The following PRR35 variants were observed in gnomAD, a reference collection of about 807,000 sequenced individuals.
The protein encoded by PRR35 is proline-rich protein 35.
Under a neutral mutation model 18.6 loss-of-function variants are expected in PRR35, and 14 were observed. The ratio of observed to expected loss-of-function variants is 0.75; its 90% CI spans 0.50 to 1.18. The LOEUF is 1.18. Ranked by LOEUF, PRR35 falls within the 50% of genes most tolerant of loss-of-function variation. The pLI, the probability that PRR35 is intolerant of heterozygous loss-of-function variation, is 0.00. For synonymous variants in PRR35, 425 were observed against 378.2 expected (o/e 1.12, Z -1.43); for missense variants, 832 against 792.2 (o/e 1.05, Z -0.60).
chr16:564,736 C>A lies in PRR35; in HGVS notation c.1145C>A (p.Thr382Asn). The A allele has an allele frequency of 1.3e-6, 2 of 1,534,982 alleles. No homozygotes were observed. Among genetic ancestry groups the A allele is most frequent in the Non-Finnish European group, 1.7e-6 (2 of 1,146,758 alleles). ...PEDGDPGGPE[T>N]PGPEGPLPLQ... ...GACGGGGATCCAGGCGGCCCTGAGA[C>A]CCCCGGCCCTGAGGGCCCCCTCCCC... The change falls in exon 3 of 3, where the codon ACC becomes AAC. Residue 382 changes from threonine to asparagine, a missense_variant. This residue lies in a region of PRR35 where 768 missense variants were observed against 704.1 expected (regional missense o/e 1.09). Coordinates refer to ENST00000409413, the MANE Select transcript of PRR35 (RefSeq NM_145270.3).
upstream of PRR35, chr16:560,347 C>T: frequency 1.8e-5 from 18 of 982,228 alleles, 1 homozygote; most frequent in Non-Finnish European, 2.2e-5. Flanking sequence ...GTCGCAGCGC[C>T]CCCCGGAGCC....
At position 565,081 on chromosome 16, in the gene PRR35, C is replaced by T. The variant is rs747010854; in HGVS notation, c.1490C>T (p.Thr497Ile). 8.2e-6 allele frequency: 13 copies of T among 1,591,396 alleles called. No homozygotes were observed. The African/African-American group carries it at 1.1e-4, about 13-fold the overall frequency. Reference protein sequence around the residue: ...PELGPVLTGGTPEPPGMLGPA... With the variant: ...PELGPVLTGGIPEPPGMLGPA... Reference sequence around the variant, plus strand: ...CTGGGTCCCGTGTTGACCGGGGGCACCCCCGAGCCACCCGGCATGCTGGGC... The same window carrying T: ...CTGGGTCCCGTGTTGACCGGGGGCATCCCCGAGCCACCCGGCATGCTGGGC... The change falls in exon 3 of 3, where the codon ACC becomes ATC. Residue 497 changes from threonine to isoleucine, a missense_variant. Physicochemically the swap from Thr to Ile is moderately conservative, Grantham distance 89 (BLOSUM62 -1). This residue lies in a region of PRR35 where 768 missense variants were observed against 704.1 expected (regional missense o/e 1.09). Transcript: ENST00000409413.
At position 563,181 on chromosome 16, in the gene PRR35, T is replaced by G. The variant is rs1003390041; in HGVS notation, c.-39-75T>G. On this transcript the variant is annotated intron_variant, in intron 1 of 2. Transcript: ENST00000409413. Reference sequence around the variant, plus strand: ...CACCCAGGCTCCAGTCCCTGGAGCCTGGGGAGCCATGGATGGAGAGGAGTG... The same window carrying G: ...CACCCAGGCTCCAGTCCCTGGAGCCGGGGGAGCCATGGATGGAGAGGAGTG... The G allele has an allele frequency of 8.8e-6, 12 of 1,356,294 alleles. No homozygotes were observed. The Middle Eastern group carries it at 7.9e-4, about 89-fold the overall frequency. The allele number at this position is 1,356,294 out of a possible 1,614,324, so 84.0% of individuals were successfully genotyped here. A position where few individuals can be genotyped will look rare whatever the true frequency, so the allele number is the denominator to read the frequency against.
At chr16:564,425 G>T in intron 2 of PRR35, 49 bp downstream of exon 2, 1 of 1,576,380 alleles carries the variant, frequency 6.3e-7, no homozygotes, top group South Asian at 1.1e-5. Flanking sequence ...GGGGCTGGGC[G>T]GCTGGGCATG....
At chr16:564,402 T>A (rs1276202722) in intron 2 of PRR35, 26 bp downstream of exon 2, 25 of 1,587,942 alleles carry the variant, frequency 1.6e-5, no homozygotes, top group Non-Finnish European at 2.1e-5. Flanking sequence ...TCCCGGTTCC[T>A]GGGGTGGACG....
rs760471816 is a variant in PRR35, at chr16:564,989, C to T, written c.1398C>T (p.Asp466=). The T allele has an allele frequency of 4.4e-6, 7 of 1,607,720 alleles. No individual in the cohort carries two copies. Among genetic ancestry groups the T allele is most frequent in the Non-Finnish European group, 5.1e-6 (6 of 1,178,386 alleles). ...TGAGGCCGCCAGACGCACCCCTCGA[C>T]CTCTCTGTGAAACGTGCGCCCGCCA... The part of the protein sequence containing the change: ...QAVRPPDAPL[D]LSVKRAPAKG... Residue 466 remains aspartate (D), a synonymous_variant, in exon 3 of 3, where the codon GAC becomes GAT. Transcript: ENST00000409413.
At chr16:561,155 A>AGTGCGTATGCGTTTGTGT (rs1259575204) in intron 1 of PRR35, among the ~76,000 whole-genome samples, 1 of 152,142 alleles carries the variant, frequency 6.6e-6, no homozygotes, top group East Asian at 1.9e-4. Flanking sequence ...CGCGCGTGTG[A>AGTGCGTATGCGTTTGTGT]GTGCGTATGC....
In PRR35 at chr16:560,548, C is replaced by G. The variant is rs1251449379; in HGVS notation, c.-153C>G. Reference sequence around the variant, plus strand: ...GGAGCCGCATCCCACCCCCAGAGCCCCAGCGCGTCCGCGGGGTCCGAGTCG... The same window carrying G: ...GGAGCCGCATCCCACCCCCAGAGCCGCAGCGCGTCCGCGGGGTCCGAGTCG... On this transcript the variant is annotated 5_prime_UTR_variant, in exon 1 of 3. Transcript: ENST00000409413. The G allele has an allele frequency of 9.2e-6, 9 of 982,946 alleles. No individual in the cohort carries two copies. The highest frequency in any genetic ancestry group is 9.7e-6 in the Non-Finnish European group (8 of 828,974). 60.9% of individuals were successfully genotyped at this position (982,946 alleles called of 1,614,324 possible). A position where few individuals can be genotyped will look rare whatever the true frequency, so the allele number is the denominator to read the frequency against.
chr16:559,981 T>G (rs117014551), upstream of PRR35, among the ~76,000 whole-genome samples: 19,816 of 152,080 alleles, frequency 0.13, 1,817 homozygotes, highest in South Asian at 0.31. Flanking sequence ...AGAGCCCTGA[T>G]GGATAAGCGC....
Position 562,002 on chromosome 16 carries a change from G to A in PRR35, c.-39-1254G>A, listed in dbSNP as rs949333818. 2.0e-5 allele frequency among the ~76,000 whole-genome samples: 3 copies of A among 152,240 alleles called. 1 individual carries two copies. The highest frequency in any genetic ancestry group is 2.0e-4 in the Admixed American group (3 of 15,286). On this transcript the variant is annotated intron_variant, in intron 1 of 2. Transcript: ENST00000409413. ...GCAGACTCCGTTCTGAGCTTAGGTG[G>A]CACAGAGGTGGCTTCTCCGGGCACT...
chr16:565,342 C>T lies in PRR35; in HGVS notation c.*35C>T. 7.0e-7 allele frequency: 1 copy of T among 1,435,094 alleles called. No individual in the cohort carries two copies. The highest frequency in any genetic ancestry group is 9.1e-7 in the Non-Finnish European group (1 of 1,093,662). The allele number at this position is 1,435,094 out of a possible 1,614,324, so 88.9% of individuals were successfully genotyped here. A position where few individuals can be genotyped will look rare whatever the true frequency, so the allele number is the denominator to read the frequency against. Reference sequence around the variant, plus strand: ...CCTGAGGTCTGACTGTCTCTGCCTGCAGCATGCCGGCCCCTCTCCTGCAGC... The same window carrying T: ...CCTGAGGTCTGACTGTCTCTGCCTGTAGCATGCCGGCCCCTCTCCTGCAGC... On this transcript the variant is annotated 3_prime_UTR_variant, in exon 3 of 3. Coordinates refer to ENST00000409413, the MANE Select transcript of PRR35 (RefSeq NM_145270.3).
chr16:564,005 C>T lies in PRR35; in HGVS notation c.711C>T (p.Ala237=). Residue 237 remains alanine, a synonymous_variant, in exon 2 of 3, where the codon GCC becomes GCT. Coordinates refer to ENST00000409413, the MANE Select transcript of PRR35 (RefSeq NM_145270.3). ...LAAAAHVPFL[A]SASPLLPPAT... Reference sequence around the variant, plus strand: ...CTGCAGCCCATGTGCCCTTCCTGGCCTCGGCCAGCCCCCTGCTGCCCCCGG... The same window carrying T: ...CTGCAGCCCATGTGCCCTTCCTGGCTTCGGCCAGCCCCCTGCTGCCCCCGG... 6.3e-7 allele frequency: 1 copy of T among 1,598,412 alleles called. No homozygotes were observed.
intron 1 of PRR35, among the ~76,000 whole-genome samples, chr16:562,190 G>A (rs1596373855): frequency 6.6e-6 from 1 of 152,236 alleles, no homozygotes. Context: ...GTGGGGCGTG[G>A]GGAGGAGCGG....
In PRR35 at chr16:562,403, C is replaced by T. The variant is rs149338211; in HGVS notation, c.-39-853C>T. Among the ~76,000 whole-genome samples the T allele has an allele frequency of 9.4e-3, 1,434 of 152,326 alleles. 16 individuals carry two copies. Among genetic ancestry groups the T allele is most frequent in the South Asian group, 0.02 (95 of 4,830 alleles). On this transcript the variant is annotated intron_variant, in intron 1 of 2. Coordinates refer to ENST00000409413, the MANE Select transcript of PRR35 (RefSeq NM_145270.3). ...CGCCCTGCTAGAGCAGGCTCTGTGC[C>T]GCCTTTAGACACACACGCATACACA...
chr16:563,441 G>T lies in PRR35; in HGVS notation c.147G>T (p.Lys49Asn). 6.2e-7 allele frequency: 1 copy of T among 1,612,604 alleles called. No individual in the cohort carries two copies. The highest frequency in any genetic ancestry group is 8.5e-7 in the Non-Finnish European group (1 of 1,179,690). The change falls in exon 2 of 3, where the codon AAG becomes AAT. Residue 49 changes from lysine (K) to asparagine (N), a missense_variant. This residue lies in a region of PRR35 where 8 missense variants were observed against 23.3 expected (regional missense o/e 0.34). Coordinates refer to ENST00000409413, the MANE Select transcript of PRR35 (RefSeq NM_145270.3). ...AGTGCCCCTTCACCTGCCTGGAGAAGTCACACCTCTACAACCACATGAAGT... is the reference window on the plus strand; with the variant it reads ...AGTGCCCCTTCACCTGCCTGGAGAATTCACACCTCTACAACCACATGAAGT... ...CFQCPFTCLE[K>N]SHLYNHMKYS...
In PRR35 at chr16:563,523, C is replaced by T. The variant is rs754527425; in HGVS notation, c.229C>T (p.Arg77Cys). ...GCTAGACTCCCCAGACTGGGCGTGC[C>T]GCCGTGGCTCCACCACGCCTAGGCC... ...LLLDSPDWAC[R>C]RGSTTPRPHA... Residue 77 changes from arginine to cysteine, a missense_variant, in exon 2 of 3, where the codon CGC becomes TGC. This residue lies in a region of PRR35 where 768 missense variants were observed against 704.1 expected (regional missense o/e 1.09). Transcript: ENST00000409413. 3.5e-5 allele frequency: 56 copies of T among 1,611,680 alleles called. No homozygotes were observed. Among genetic ancestry groups the T allele is most frequent in the South Asian group, 9.9e-5 (9 of 91,066 alleles).
chr16:560,269 CGGGCGGCGG>C, upstream of PRR35: 2 of 826,528 alleles, frequency 2.4e-6, no homozygotes, highest in Non-Finnish European at 2.9e-6. Context: ...GGGGGGCGCG[CGGGCGGCGG>C]GGGCGCGGGG....
rs750030396 is a variant in PRR35, at chr16:564,335, G to C, written c.1041G>C (p.Pro347=). The C allele has an allele frequency of 6.5e-5, 103 of 1,583,048 alleles. No individual in the cohort carries two copies. The highest frequency in any genetic ancestry group is 7.9e-5 in the Non-Finnish European group (92 of 1,170,792). ...RLSLGSRLEL[P]KASPSLTRFC... The stretch of plus-strand genomic sequence containing the variant: ...CCCTGGGAAGCAGGCTGGAGCTTCC[G>C]AAGGCATCCCCCAGCCTGACAAGGT... The change falls in exon 2 of 3, where the codon CCG becomes CCC. Residue 347 remains proline, a synonymous_variant. Coordinates refer to ENST00000409413, the MANE Select transcript of PRR35 (RefSeq NM_145270.3).
Position 565,223 on chromosome 16 carries a change from C to T in PRR35, c.1632C>T (p.Gly544=). ...APDDPVIPGS[G]WGTCVATRSS... ...ATGACCCTGTCATTCCTGGCAGTGG[C>T]TGGGGCACCTGTGTTGCGACGAGGA... Residue 544 remains glycine (G), a synonymous_variant, in exon 3 of 3, where the codon GGC becomes GGT. Coordinates refer to ENST00000409413, the MANE Select transcript of PRR35 (RefSeq NM_145270.3). 1 of 1,609,014 alleles carries T rather than the reference C, an allele frequency of 6.2e-7. No homozygotes were observed. The highest frequency in any genetic ancestry group is 8.5e-7 in the Non-Finnish European group (1 of 1,178,282).
Sources: allele counts gnomAD v4.1 joint callset (sites outside exome capture counted in the v4.1 genomes callset), GRCh38; gene constraint gnomAD v4.1.1; regional missense constraint gnomAD v4.1.1; transcripts MANE v1.5; gene names NCBI Gene and HGNC (gene_info 2026-07-23, HGNC 2026-07-21).